The following SCAMP1 variants were observed in gnomAD, a reference collection of about 807,000 sequenced individuals.
The protein encoded by SCAMP1 is secretory carrier membrane protein 1, also known as secretory carrier-associated membrane protein 1.
SCAMP1 carries 15 observed loss-of-function variants against 41.8 expected under a neutral mutation model. That is an observed-to-expected ratio of 0.36 (90% CI 0.24 to 0.55). The LOEUF (loss-of-function observed/expected upper bound fraction) is 0.55, where lower values mean the gene tolerates loss of function less well. Ranked by LOEUF, SCAMP1 falls within the 20% of genes least tolerant of loss-of-function variation. The pLI, the probability that SCAMP1 is intolerant of heterozygous loss-of-function variation, is 0.86. For missense variants in SCAMP1, 341 were observed against 412.6 expected, an observed-to-expected ratio of 0.83 and a Z score of 1.50; for synonymous variants, 135 against 136.8, an observed-to-expected ratio of 0.99 and a Z score of 0.09.
intron 7 of SCAMP1, among the ~76,000 whole-genome samples, chr5:78,452,064 T>C (rs1253661309): frequency 1.3e-5 from 2 of 152,236 alleles, no homozygotes; most frequent in Non-Finnish European, 2.9e-5. Flanking sequence ...CTATTACAAA[T>C]AAAGCTGCCA....
At chr5:78,410,086 T>C (rs764696791) in intron 2 of SCAMP1, among the ~76,000 whole-genome samples, 2 of 151,900 alleles carry the variant, frequency 1.3e-5, no homozygotes, top group Non-Finnish European at 1.5e-5. Flanking sequence ...GTGAGAATTA[T>C]ATCTCACTTA....
intron 1 of SCAMP1, among the ~76,000 whole-genome samples, chr5:78,378,987 T>G (rs1751134140): frequency 6.6e-6 from 1 of 152,184 alleles, no homozygotes; most frequent in Admixed American, 6.5e-5. Context: ...CGTGCTGAAG[T>G]TTGAGAACCA....
rs1350102318 is a variant in SCAMP1 at position 78,476,716 on chromosome 5, C to G, written c.*1048C>G. 6.6e-6 allele frequency: 1 copy of G among 152,286 alleles called. No homozygotes were observed. Among genetic ancestry groups the G allele is most frequent in the Non-Finnish European group, 1.5e-5 (1 of 67,906 alleles). 9.4% of individuals were successfully genotyped at this position (152,286 alleles called of 1,614,324 possible). Reference sequence around the variant, plus strand: ...CCAGTGGCATTAAACATAAAAAGACCCTGGCATTTTTTCACATACTTGAAT... The same window carrying G: ...CCAGTGGCATTAAACATAAAAAGACGCTGGCATTTTTTCACATACTTGAAT... On this transcript the variant is annotated 3_prime_UTR_variant, in exon 9 of 9. Coordinates refer to ENST00000621999, the MANE Select transcript of SCAMP1 (RefSeq NM_004866.6).
intron 3 of SCAMP1, among the ~76,000 whole-genome samples, chr5:78,416,138 A>G (rs1286636552): frequency 1.3e-5 from 2 of 152,188 alleles, no homozygotes; most frequent in Non-Finnish European, 2.9e-5. Flanking sequence ...GGCCTTATAT[A>G]TCATTTAATC....
chr5:78,368,136 G>A (rs1750844700), intron 1 of SCAMP1, among the ~76,000 whole-genome samples: 1 of 152,142 alleles, frequency 6.6e-6, no homozygotes, highest in Non-Finnish European at 1.5e-5. Context: ...TTCAAACCAT[G>A]CCTTAAAAAC....
chr5:78,418,658 A>G (rs901930646), intron 4 of SCAMP1, 117 bp from the exon 5 acceptor site: 12 of 685,088 alleles, frequency 1.8e-5, no homozygotes, highest in Non-Finnish European at 2.8e-5. Context: ...ATATAGTTCT[A>G]CAGTTTTTCT....
intron 6 of SCAMP1, among the ~76,000 whole-genome samples, chr5:78,427,103 C>T (rs1014219085): frequency 1.3e-5 from 2 of 152,152 alleles, no homozygotes; most frequent in Admixed American, 1.3e-4. Context: ...ATTTATTTGG[C>T]TCGTGGTTCT....
intron 7 of SCAMP1, among the ~76,000 whole-genome samples, chr5:78,451,544 G>A (rs1017947573): frequency 2.0e-5 from 3 of 152,132 alleles, no homozygotes; most frequent in African/African-American, 7.2e-5. Context: ...TTTCAAGAAG[G>A]TTATAGATGT....
chr5:78,389,721 T>C (rs1751438910), intron 2 of SCAMP1, among the ~76,000 whole-genome samples: 1 of 152,204 alleles, frequency 6.6e-6, no homozygotes, highest in African/African-American at 2.4e-5. Flanking sequence ...GGGCAATTTT[T>C]TTTTTAAAGT....
In SCAMP1 at chr5:78,459,355, T is replaced by G. The variant is rs1445542314; in HGVS notation, c.845T>G (p.Phe282Cys). 5 of 1,482,452 alleles carry G rather than the reference T, an allele frequency of 3.4e-6. No homozygotes were observed. The highest frequency in any genetic ancestry group is 3.6e-5 in the Admixed American group (2 of 56,328). The allele number at this position is 1,482,452 out of a possible 1,614,324, so 91.8% of individuals were successfully genotyped here. A position where few individuals can be genotyped will look rare whatever the true frequency, so the allele number is the denominator to read the frequency against. Reference sequence around the variant, plus strand: ...TCAGCAGTCATCTCACTAGTTATGTTCAAAAAAGTAAGTGAAATTTTATGT... The same window carrying G: ...TCAGCAGTCATCTCACTAGTTATGTGCAAAAAAGTAAGTGAAATTTTATGT... ...TASAVISLVM[F>C]KKVHGLYRTT... Residue 282 changes from phenylalanine to cysteine, a missense_variant, in exon 8 of 9, where the codon TTC becomes TGC. Coordinates refer to ENST00000621999, the MANE Select transcript of SCAMP1 (RefSeq NM_004866.6).
At chr5:78,397,904 C>G (rs1361063303) in intron 2 of SCAMP1, among the ~76,000 whole-genome samples, 1 of 152,250 alleles carries the variant, frequency 6.6e-6, no homozygotes, top group African/African-American at 2.4e-5. Flanking sequence ...GAGGATACCA[C>G]TTCACATCCA....
chr5:78,453,242 G>A (rs1166677163), intron 7 of SCAMP1, among the ~76,000 whole-genome samples: 2 of 151,054 alleles, frequency 1.3e-5, no homozygotes, highest in East Asian at 1.9e-4. Context: ...TTGGTGTTTT[G>A]GACATGAAGT....
chr5:78,464,042 A>G (rs376678127), intron 8 of SCAMP1, among the ~76,000 whole-genome samples: 5 of 152,266 alleles, frequency 3.3e-5, no homozygotes, highest in South Asian at 4.1e-4. Context: ...CAGTGGCGCG[A>G]TCTTGGCTCA....
At chr5:78,391,769 C>G (rs1751513443) in intron 2 of SCAMP1, among the ~76,000 whole-genome samples, 1 of 152,218 alleles carries the variant, frequency 6.6e-6, no homozygotes, top group Non-Finnish European at 1.5e-5. Context: ...CCTCAGAAGG[C>G]CGAGGCTGGC....
chr5:78,423,016 GCACA>G (rs57059961), intron 6 of SCAMP1, among the ~76,000 whole-genome samples: 812 of 33,380 alleles, frequency 0.024, 4 homozygotes, highest in Non-Finnish European at 0.043. Context: ...ACGCGCGCGC[GCACA>G]CACACACACA....
intron 6 of SCAMP1, among the ~76,000 whole-genome samples, chr5:78,444,875 T>A: frequency 6.6e-6 from 1 of 152,244 alleles, no homozygotes; most frequent in Non-Finnish European, 1.5e-5. Flanking sequence ...TATAAAAGCA[T>A]GTTCCACTGT....
intron 7 of SCAMP1, among the ~76,000 whole-genome samples, chr5:78,456,542 G>T (rs1753408356): frequency 6.6e-6 from 1 of 151,370 alleles, no homozygotes; most frequent in African/African-American, 2.4e-5. Context: ...TAGGGTTTCT[G>T]CCGACAGATC....
intron 2 of SCAMP1, among the ~76,000 whole-genome samples, chr5:78,413,923 A>T (rs747026060): frequency 6.6e-6 from 1 of 151,544 alleles, no homozygotes; most frequent in African/African-American, 2.4e-5. Context: ...TTTCTTATTT[A>T]TGACCTCCCC....
At chr5:78,414,634 A>G (rs1316032093) in intron 2 of SCAMP1, among the ~76,000 whole-genome samples, 1 of 152,156 alleles carries the variant, frequency 6.6e-6, no homozygotes, top group Non-Finnish European at 1.5e-5. Flanking sequence ...TCGCTAATTT[A>G]TTCTCATGGC....
Sources: allele counts gnomAD v4.1 joint callset (sites outside exome capture counted in the v4.1 genomes callset), GRCh38; gene constraint gnomAD v4.1.1; transcripts MANE v1.5; gene names NCBI Gene and HGNC (gene_info 2026-07-23, HGNC 2026-07-21).